The following MAGI1 variants were observed in gnomAD, a reference collection of about 807,000 sequenced individuals.
MAGI1 encodes membrane associated guanylate kinase, WW and PDZ domain containing 1.
In MAGI1, 58 loss-of-function variants were observed where a neutral mutation model predicts 139.9. The observed-to-expected ratio is 0.41, with a 90% confidence interval of 0.34 to 0.52. MAGI1 has a LOEUF of 0.52. Among genes scored for constraint, MAGI1 ranks in the 20% least tolerant of loss-of-function variants. The pLI is 0.12. For synonymous variants in MAGI1, 812 were observed against 737.9 expected (o/e 1.10, Z -1.63); for missense variants, 1,874 against 1,901.6 (o/e 0.99, Z 0.27).
intron 1 of MAGI1, chr3:65,844,174 T>C (rs2058904826): frequency 1.9e-6 from 1 of 517,586 alleles, no homozygotes; most frequent in Admixed American, 1.9e-5. Flanking sequence ...TGCACATGTG[T>C]AAAAATGCAG....
At chr3:65,776,009 TAAAC>T (rs983701412) in intron 1 of MAGI1, among the ~76,000 whole-genome samples, 1 of 152,036 alleles carries the variant, frequency 6.6e-6, no homozygotes, top group African/African-American at 2.4e-5. Context: ...ACAAAAACAT[TAAAC>T]AAACATTTTT....
chr3:65,691,740 G>C lies in MAGI1; in HGVS notation c.314-69652C>G, dbSNP rs116496000. 5.9e-3 allele frequency among the ~76,000 whole-genome samples: 904 copies of C among 152,294 alleles called. 5 individuals carry two copies. Among genetic ancestry groups the C allele is most frequent in the African/African-American group, 0.02 (845 of 41,556 alleles). On this transcript the variant is annotated intron_variant, in intron 1 of 22. Coordinates refer to ENST00000402939, the MANE Select transcript of MAGI1 (RefSeq NM_001033057.2). ...CGTGAATCAAAATAATATAGTTCCA[G>C]AAGTTATACTGTCAGCATTATAGTA...
intron 1 of MAGI1, among the ~76,000 whole-genome samples, chr3:65,950,827 G>A (rs987652453): frequency 6.6e-6 from 1 of 152,072 alleles, no homozygotes; most frequent in Non-Finnish European, 1.5e-5. Flanking sequence ...ACCTACTCAG[G>A]GACAGATAGA....
At chr3:65,772,044 T>C (rs1037153437) in intron 1 of MAGI1, among the ~76,000 whole-genome samples, 2 of 152,028 alleles carry the variant, frequency 1.3e-5, no homozygotes, top group Admixed American at 6.6e-5. Flanking sequence ...CTACTAAAAA[T>C]ACAAAAATTT....
chr3:65,403,172 G>C (rs1945047611), intron 12 of MAGI1, among the ~76,000 whole-genome samples: 2 of 152,068 alleles, frequency 1.3e-5, no homozygotes, highest in Non-Finnish European at 2.9e-5. Flanking sequence ...AGATTATTAA[G>C]ATAATGAAAC....
At chr3:65,389,802 A>G (rs1559516442) in intron 14 of MAGI1, among the ~76,000 whole-genome samples, 1 of 152,218 alleles carries the variant, frequency 6.6e-6, no homozygotes, top group Non-Finnish European at 1.5e-5. Flanking sequence ...CAGCAGAGTG[A>G]ACTTGTAGCC....
intron 1 of MAGI1, among the ~76,000 whole-genome samples, chr3:65,936,927 G>A (rs1265023294): frequency 1.3e-5 from 2 of 150,376 alleles, no homozygotes; most frequent in Non-Finnish European, 3.0e-5. Flanking sequence ...GTTGGTGGTG[G>A]TGGTGGTGAT....
chr3:65,993,887 T>C (rs1381005589), intron 1 of MAGI1, among the ~76,000 whole-genome samples: 1 of 152,064 alleles, frequency 6.6e-6, no homozygotes, highest in African/African-American at 2.4e-5. Flanking sequence ...CTGTGCTCCC[T>C]CCCCAGAGAA....
intron 1 of MAGI1, among the ~76,000 whole-genome samples, chr3:65,804,702 G>A (rs935184106): frequency 1.3e-5 from 2 of 152,124 alleles, no homozygotes; most frequent in Non-Finnish European, 2.9e-5. Context: ...CAACTGTACA[G>A]TAATCAAAAC....
intron 1 of MAGI1, among the ~76,000 whole-genome samples, chr3:65,910,822 G>A (rs1445170125): frequency 7.2e-6 from 1 of 139,666 alleles, no homozygotes; most frequent in Admixed American, 7.2e-5. Context: ...GTAGATGGGT[G>A]TCTACCTTGA....
At chr3:65,460,710 C>T (rs1333716222) in intron 5 of MAGI1, among the ~76,000 whole-genome samples, 20 of 152,038 alleles carry the variant, frequency 1.3e-4, no homozygotes, top group Non-Finnish European at 2.5e-4. Context: ...CACCACCCTC[C>T]AACAGGTCCC....
intron 1 of MAGI1, among the ~76,000 whole-genome samples, chr3:65,778,363 G>A (rs1181292921): frequency 6.6e-6 from 1 of 150,684 alleles, no homozygotes; most frequent in African/African-American, 2.4e-5. Flanking sequence ...CCAGGAGGCA[G>A]AGGTTGCAGT....
chr3:65,621,672 T>G (rs2083674787), intron 2 of MAGI1, among the ~76,000 whole-genome samples: 1 of 152,186 alleles, frequency 6.6e-6, no homozygotes, highest in Non-Finnish European at 1.5e-5. Flanking sequence ...GTGCCTGATC[T>G]CATTGACTCC....
chr3:65,988,298 G>A (rs896044885), intron 1 of MAGI1, among the ~76,000 whole-genome samples: 3 of 152,168 alleles, frequency 2.0e-5, no homozygotes, highest in Non-Finnish European at 4.4e-5. Flanking sequence ...TATTTTTGAG[G>A]TGAAAGTTAA....
chr3:65,610,184 G>A (rs1441023894), intron 2 of MAGI1, among the ~76,000 whole-genome samples: 1 of 152,132 alleles, frequency 6.6e-6, no homozygotes, highest in East Asian at 1.9e-4. Context: ...CTTGACTCAA[G>A]TGGATTGGAA....
chr3:65,356,684 G>A lies in MAGI1; in HGVS notation c.4083C>T (p.Arg1361=). ...PERRRERSPT[R]RRDGSPSRRR... ...GCCGGCTGGGGGAGCCGTCTCTCCT[G>A]CGGGTGGGTGACCGCTCTCGCCTCC... The change falls in exon 23 of 23, where the codon CGC becomes CGT. Residue 1361 remains arginine (R), a synonymous_variant. Transcript: ENST00000402939. 1.9e-6 allele frequency: 3 copies of A among 1,591,054 alleles called. No homozygotes were observed. Among genetic ancestry groups the A allele is most frequent in the Non-Finnish European group, 2.6e-6 (3 of 1,169,252 alleles).
chr3:65,490,289 C>T (rs1200636113), intron 3 of MAGI1, among the ~76,000 whole-genome samples: 2 of 152,128 alleles, frequency 1.3e-5, no homozygotes, highest in Non-Finnish European at 2.9e-5. Flanking sequence ...AGCAACTTGC[C>T]GGAGGGCACA....
At chr3:65,996,252 C>A (rs2066441995) in intron 1 of MAGI1, among the ~76,000 whole-genome samples, 1 of 152,062 alleles carries the variant, frequency 6.6e-6, no homozygotes, top group South Asian at 2.1e-4. Context: ...AAAAATGATA[C>A]CATGTATTTC....
chr3:66,010,077 C>CAAAAAAAAAA lies in MAGI1; in HGVS notation c.313+27909_313+27918dup, dbSNP rs60882502. On this transcript the variant is annotated intron_variant, in intron 1 of 22. Coordinates refer to ENST00000402939, the MANE Select transcript of MAGI1 (RefSeq NM_001033057.2). ...GGTGACAAAGTGATACTCTCTGTCT[C>CAAAAAAAAAA]AAAAAAAAAAAAAAAAAAAAAAAAA... Among the ~76,000 whole-genome samples the CAAAAAAAAAA allele has an allele frequency of 2.9e-5, 2 of 69,790 alleles. 1 individual carries two copies. Among genetic ancestry groups the CAAAAAAAAAA allele is most frequent in the Non-Finnish European group, 5.2e-5 (2 of 38,828 alleles). The allele number at this position is 69,790 out of a possible 152,430, so 45.8% of individuals were successfully genotyped here. A position where few individuals can be genotyped will look rare whatever the true frequency, so the allele number is the denominator to read the frequency against.
Sources: gnomAD v4.1 joint callset for allele counts (sites outside exome capture counted in the v4.1 genomes callset) on GRCh38, gnomAD v4.1.1 for gene constraint, MANE v1.5 for transcripts, NCBI Gene and HGNC (gene_info 2026-07-23, HGNC 2026-07-21) for gene names.